CRB2: variants seen among roughly 807,000 people sequenced by gnomAD.
CRB2 encodes protein crumbs homolog 2.
CRB2 carries 85 observed loss-of-function variants against 110.9 expected under a neutral mutation model. That is an observed-to-expected ratio of 0.77 (90% CI 0.64 to 0.92). CRB2 has a LOEUF of 0.92. CRB2 is among the 40% of genes least tolerant of loss of function. CRB2 has a pLI of 0.00. For missense variants in CRB2, 1,843 were observed against 1,851.3 expected (o/e 1.00, Z 0.08); for synonymous variants, 907 against 831.0 (o/e 1.09, Z -1.57).
At chr9:123,357,457 G>A (rs1346508612) in intron 1 of CRB2, among the ~76,000 whole-genome samples, 1 of 152,092 alleles carries the variant, frequency 6.6e-6, no homozygotes, top group African/African-American at 2.4e-5. Flanking sequence ...GGACCCTCAT[G>A]TTTCCCGCAC....
rs1406126132 is a variant in CRB2, at chr9:123,370,617, G to A, written c.1564G>A (p.Val522Met). The A allele has an allele frequency of 6.2e-7, 1 of 1,611,860 alleles. No individual in the cohort carries two copies. The highest frequency in any genetic ancestry group is 1.1e-5 in the South Asian group (1 of 91,086). ...CCTAAACGATGGCCATTGGCACCAGGTGGAGGTTGTGCTCCATCTAGCGAC... is the reference window on the plus strand; with the variant it reads ...CCTAAACGATGGCCATTGGCACCAGATGGAGGTTGTGCTCCATCTAGCGAC... Reference protein sequence around the residue: ...LALNDGHWHQVEVVLHLATLE... With the variant: ...LALNDGHWHQMEVVLHLATLE... The change falls in exon 7 of 13, where the codon GTG becomes ATG. Residue 522 changes from valine (V) to methionine (M), a missense_variant. Val to Met is a conservative substitution (Grantham distance 21, BLOSUM62 1). Coordinates refer to ENST00000373631, the MANE Select transcript of CRB2 (RefSeq NM_173689.7).
At chr9:123,374,491 C>A in intron 10 of CRB2, 88 bp from the exon 11 acceptor site, 2 of 896,228 alleles carry the variant, frequency 2.2e-6, no homozygotes, top group Non-Finnish European at 3.6e-6. Flanking sequence ...TACATGAGAA[C>A]ACAAGCTCAG....
chr9:123,367,022 A>C, intron 4 of CRB2, 150 bp from the exon 5 acceptor site: 1 of 698,768 alleles, frequency 1.4e-6, no homozygotes, highest in Non-Finnish European at 2.3e-6. Flanking sequence ...TGCCGTGGTC[A>C]TTCCTGCGGC....
rs1050940589 is a variant in CRB2, at chr9:123,373,324, G to A, written c.2793G>A (p.Gly931=). Residue 931 remains glycine, a synonymous_variant, in exon 10 of 13, where the codon GGG becomes GGA. Transcript: ENST00000373631. ...CGGTGCGCAATGGCTCGCTGGCGGG[G>A]GGCGTGCGCGGAGGCCATGGCCTGC... is the stretch of plus-strand genomic sequence containing the variant. The part of the protein sequence containing the change: ...WLAVRNGSLA[G]GVRGGHGLPG... 16 of 1,446,860 alleles carry A rather than the reference G, an allele frequency of 1.1e-5. No individual in the cohort carries two copies. The highest frequency in any genetic ancestry group is 1.4e-5 in the Non-Finnish European group (16 of 1,108,982). The allele number at this position is 1,446,860 out of a possible 1,614,324, so 89.6% of individuals were successfully genotyped here. A position where few individuals can be genotyped will look rare whatever the true frequency, so the allele number is the denominator to read the frequency against.
chr9:123,367,157 T>C lies in CRB2; in HGVS notation c.755-15T>C, dbSNP rs1474186600. The stretch of plus-strand genomic sequence containing the variant: ...AACCCCGTGAGACCTGATGTCCGCG[T>C]GTGTGTGCCCCCAGGCTACAGCGGC... On this transcript the variant is annotated splice_polypyrimidine_tract_variant and intron_variant, in intron 4 of 12. Transcript: ENST00000373631. 2.6e-6 allele frequency: 4 copies of C among 1,568,284 alleles called. No homozygotes were observed. Among genetic ancestry groups the C allele is most frequent in the Non-Finnish European group, 3.4e-6 (4 of 1,164,180 alleles).
intron 1 of CRB2, 139 bp downstream of exon 1, chr9:123,356,493 C>T (rs1178023147): frequency 1.3e-5 from 6 of 447,228 alleles, no homozygotes; most frequent in African/African-American, 4.2e-5. Context: ...CACAGGAGTG[C>T]GCGGCTGTGG....
In CRB2 at chr9:123,371,546, A is replaced by G. The variant is rs2042016735; in HGVS notation, c.2404A>G (p.Thr802Ala). 1 of 1,613,044 alleles carries G rather than the reference A, an allele frequency of 6.2e-7. No individual in the cohort carries two copies. The highest frequency in any genetic ancestry group is 1.3e-5 in the African/African-American group (1 of 75,020). The change falls in exon 8 of 13, where the codon ACT (threonine) becomes GCT (alanine). Residue 802 changes from threonine (T) to alanine (A), a missense_variant. By Grantham distance (58) the Thr-to-Ala change is moderately conservative. Coordinates refer to ENST00000373631, the MANE Select transcript of CRB2 (RefSeq NM_173689.7). ...ELGGRQSWNL[T>A]AGCVSEDMCS... Reference sequence around the variant, plus strand: ...CGGCGGCAGGCAGTCCTGGAACCTCACTGCGGGCTGCGTCTCCGAGGACAT... The same window carrying G: ...CGGCGGCAGGCAGTCCTGGAACCTCGCTGCGGGCTGCGTCTCCGAGGACAT...
At chr9:123,367,051 T>C in intron 4 of CRB2, 121 bp from the exon 5 acceptor site, 1 of 1,021,380 alleles carries the variant, frequency 9.8e-7, no homozygotes, top group Non-Finnish European at 1.4e-6. Flanking sequence ...TGTCCCTCCC[T>C]CGCCATTCGT....
rs769184524 is a variant in CRB2 at position 123,373,840 on chromosome 9, C to T, written c.3309C>T (p.Cys1103=). The T allele has an allele frequency of 1.3e-5, 20 of 1,565,658 alleles. No homozygotes were observed. In the African/African-American group the frequency reaches 2.4e-4, roughly 19 times the overall value. ...TCGACCCCTGTCACTCCGCCCCCTG[C>T]GCCCGTGGCCGCTGTCACACGCACC... is the stretch of plus-strand genomic sequence containing the variant. ...AHVDPCHSAP[C]ARGRCHTHPD... Residue 1103 remains cysteine (C), a synonymous_variant, in exon 10 of 13, where the codon TGC becomes TGT. Coordinates refer to ENST00000373631, the MANE Select transcript of CRB2 (RefSeq NM_173689.7).
Position 123,373,561 on chromosome 9 carries a change from C to A in CRB2, c.3030C>A (p.Phe1010Leu). The A allele has an allele frequency of 6.8e-7, 1 of 1,473,878 alleles. No individual in the cohort carries two copies. The allele number at this position is 1,473,878 out of a possible 1,614,324, so 91.3% of individuals were successfully genotyped here. The change falls in exon 10 of 13, where the codon TTC (phenylalanine) becomes TTA (leucine). Residue 1010 changes from phenylalanine to leucine, a missense_variant. Coordinates refer to ENST00000373631, the MANE Select transcript of CRB2 (RefSeq NM_173689.7). ...TGCGCATCCTGCTGGCTGAGAACTT[C>A]ACCGGCTGCTTGGGCCGCGTGGCGC... ...GAVRILLAEN[F>L]TGCLGRVALG...
chr9:123,367,660 A>G lies in CRB2; in HGVS notation c.1028A>G (p.Gln343Arg). 1 of 1,565,418 alleles carries G rather than the reference A, an allele frequency of 6.4e-7. No individual in the cohort carries two copies. The highest frequency in any genetic ancestry group is 8.7e-7 in the Non-Finnish European group (1 of 1,155,792). Reference protein sequence around the residue: ...GHCQDLPNGFQCHCPDGYAGP... With the variant: ...GHCQDLPNGFRCHCPDGYAGP... ...TGCCAGGACCTGCCCAATGGCTTCC[A>G]GTGTCACTGCCCAGATGGCTACGCA... The change falls in exon 6 of 13, where the codon CAG becomes CGG. Residue 343 changes from glutamine (Q) to arginine (R), a missense_variant. Transcript: ENST00000373631.
intron 8 of CRB2, 52 bp from the exon 9 acceptor site, chr9:123,372,125 G>A: frequency 1.3e-6 from 2 of 1,574,072 alleles, no homozygotes. Flanking sequence ...CAGTTATGGT[G>A]GGTGATGCTC....
intron 6 of CRB2, chr9:123,368,829 C>A: frequency 8.0e-7 from 1 of 1,243,172 alleles, no homozygotes; most frequent in Non-Finnish European, 1.0e-6. Flanking sequence ...GGGAGCTCTG[C>A]CTCCTCCCCA....
At chr9:123,366,181 A>T in intron 3 of CRB2, 46 bp from the exon 4 acceptor site, 1 of 1,381,758 alleles carries the variant, frequency 7.2e-7, no homozygotes, top group Non-Finnish European at 9.3e-7. Flanking sequence ...GGCGCGGGGC[A>T]GAAGGGGCAG....
At position 123,370,927 on chromosome 9, in the gene CRB2, C is replaced by T; in HGVS notation, c.1874C>T (p.Thr625Ile). 6.2e-7 allele frequency: 1 copy of T among 1,609,330 alleles called. No homozygotes were observed. Among genetic ancestry groups the T allele is most frequent in the Admixed American group, 1.7e-5 (1 of 59,728 alleles). Reference sequence around the variant, plus strand: ...GGAGGGTCCTGTGTGGATCTGTGGACTCATTTCCGTTGCGACTGTGCCCGG... The same window carrying T: ...GGAGGGTCCTGTGTGGATCTGTGGATTCATTTCCGTTGCGACTGTGCCCGG... ...VHGGSCVDLW[T>I]HFRCDCARPH... Residue 625 changes from threonine to isoleucine, a missense_variant, in exon 7 of 13, where the codon ACT becomes ATT. Thr to Ile is a moderately conservative substitution (Grantham distance 89). Transcript: ENST00000373631.
chr9:123,369,611 G>C (rs147695547), intron 6 of CRB2, among the ~76,000 whole-genome samples: 1 of 152,118 alleles, frequency 6.6e-6, no homozygotes, highest in Non-Finnish European at 1.5e-5. Flanking sequence ...GGAATGGGAC[G>C]TTCAAGATTT....
At chr9:123,371,856 C>T (rs533707715) in intron 8 of CRB2, among the ~76,000 whole-genome samples, 5 of 152,250 alleles carry the variant, frequency 3.3e-5, no homozygotes, top group South Asian at 2.1e-4. Flanking sequence ...GCTGCCTGAG[C>T]CTTTCTGCAG....
At chr9:123,372,110 A>G (rs970743495) in intron 8 of CRB2, 67 bp from the exon 9 acceptor site, 25 of 1,516,850 alleles carry the variant, frequency 1.6e-5, no homozygotes, top group African/African-American at 2.7e-5. Context: ...GAAGCACTGC[A>G]ATGCCAGTTA....
chr9:123,361,256 C>T (rs1410975538), intron 1 of CRB2, among the ~76,000 whole-genome samples: 2 of 152,188 alleles, frequency 1.3e-5, no homozygotes, highest in Non-Finnish European at 2.9e-5. Context: ...ATGAGTGCTG[C>T]ACCCTCCTGA....
Sources: allele counts gnomAD v4.1 joint callset (sites outside exome capture counted in the v4.1 genomes callset), GRCh38; gene constraint gnomAD v4.1.1; transcripts MANE v1.5; gene names NCBI Gene and HGNC (gene_info 2026-07-23, HGNC 2026-07-21).